Variants in FRMD4B observed in about 807,000 individuals in gnomAD.
The protein encoded by FRMD4B is FERM domain containing 4B, also known as FERM domain-containing protein 4B.
A neutral mutation model predicts 141.5 loss-of-function variants in FRMD4B; 74 were observed. That is an observed-to-expected ratio of 0.52 (90% CI 0.43 to 0.63). The LOEUF is 0.63. Ranked by LOEUF, FRMD4B falls within the 30% of genes least tolerant of loss-of-function variation. The pLI is 0.00. For synonymous variants in FRMD4B, 506 were observed against 467.9 expected (o/e 1.08, Z -1.05); for missense variants, 1,366 against 1,253.4 (o/e 1.09, Z -1.36).
At chr3:69,204,270 A>C (rs2092999965) in intron 11 of FRMD4B, among the ~76,000 whole-genome samples, 1 of 152,188 alleles carries the variant, frequency 6.6e-6, no homozygotes, top group African/African-American at 2.4e-5. Flanking sequence ...CCTTGGACAA[A>C]AAGGGTCAAA....
At chr3:69,411,846 C>G (rs923630271) in intron 2 of FRMD4B, among the ~76,000 whole-genome samples, 2 of 152,180 alleles carry the variant, frequency 1.3e-5, no homozygotes, top group African/African-American at 4.8e-5. Flanking sequence ...GAACAATTAT[C>G]TATATCAAAT....
chr3:69,176,371 CTTTA>C (rs1390842572), intron 22 of FRMD4B, among the ~76,000 whole-genome samples, 149 bp downstream of exon 22: 1 of 152,202 alleles, frequency 6.6e-6, no homozygotes, highest in Non-Finnish European at 1.5e-5. Context: ...TCCAATGAAA[CTTTA>C]TTTACCAAAA....
chr3:69,464,773 G>A (rs538921692), intron 1 of FRMD4B, among the ~76,000 whole-genome samples: 2 of 152,100 alleles, frequency 1.3e-5, no homozygotes, highest in Non-Finnish European at 2.9e-5. Context: ...AAACAAAATT[G>A]AACCTGAATC....
intron 1 of FRMD4B, among the ~76,000 whole-genome samples, chr3:69,324,769 C>A (rs537290118): frequency 7.9e-5 from 12 of 152,142 alleles, no homozygotes; most frequent in Non-Finnish European, 1.5e-4. Context: ...ACTCACTTCT[C>A]TTTACCCAGG....
chr3:69,475,391 G>A (rs889697922), intron 1 of FRMD4B, among the ~76,000 whole-genome samples: 2 of 136,158 alleles, frequency 1.5e-5, no homozygotes, highest in Non-Finnish European at 3.1e-5. Flanking sequence ...AGAGTGTAAC[G>A]TTCCCCTTCC....
At chr3:69,450,014 G>A (rs886419308) in intron 1 of FRMD4B, among the ~76,000 whole-genome samples, 2 of 150,938 alleles carry the variant, frequency 1.3e-5, no homozygotes, top group Non-Finnish European at 2.9e-5. Flanking sequence ...CAGTTTCCCT[G>A]CCAGTAAAAT....
chr3:69,180,462 T>C (rs2092693822), intron 21 of FRMD4B, among the ~76,000 whole-genome samples: 1 of 152,056 alleles, frequency 6.6e-6, no homozygotes, highest in African/African-American at 2.4e-5. Context: ...GAGGGTTTAT[T>C]CTTTTAAAAT....
chr3:69,454,642 C>CT (rs938953491), intron 1 of FRMD4B, among the ~76,000 whole-genome samples: 4 of 152,200 alleles, frequency 2.6e-5, no homozygotes, highest in Non-Finnish European at 4.4e-5. Flanking sequence ...ACGCCACACT[C>CT]TAATTCTGGC....
In FRMD4B at chr3:69,289,223, C is replaced by G. The variant is rs1214499540; in HGVS notation, c.417-1387G>C. The stretch of plus-strand genomic sequence containing the variant: ...TGTCCACCATTTATTCGCTGTATGG[C>G]CTTGGGCAAATTATTTAGTTTCTTT... On this transcript the variant is annotated intron_variant, in intron 4 of 22. Transcript: ENST00000398540. Among the ~76,000 whole-genome samples the G allele has an allele frequency of 2.6e-5, 4 of 152,116 alleles. No homozygotes were observed. The East Asian group carries it at 7.7e-4, about 29-fold the overall frequency.
Position 69,169,526 on chromosome 3 carries a change from T to G in FRMD4B, c.*2335A>C. On this transcript the variant is annotated 3_prime_UTR_variant, in exon 23 of 23. Transcript: ENST00000398540. Reference sequence around the variant, plus strand: ...GCACACATCACCATGACTGGCTAATTTTTGTATTTTCATAGAGATGGGGTT... The same window carrying G: ...GCACACATCACCATGACTGGCTAATGTTTGTATTTTCATAGAGATGGGGTT... Among the ~76,000 whole-genome samples, 1 of 151,876 alleles carries G rather than the reference T, an allele frequency of 6.6e-6. No homozygotes were observed. Among genetic ancestry groups the G allele is most frequent in the African/African-American group, 2.4e-5 (1 of 41,300 alleles).
At chr3:69,407,354 C>G (rs1275558983) in intron 2 of FRMD4B, among the ~76,000 whole-genome samples, 2 of 152,138 alleles carry the variant, frequency 1.3e-5, no homozygotes, top group Non-Finnish European at 2.9e-5. Flanking sequence ...GGAATATTCT[C>G]AATGGGGCTT....
At chr3:69,527,397 C>G (rs1189779937) in intron 1 of FRMD4B, among the ~76,000 whole-genome samples, 3 of 151,940 alleles carry the variant, frequency 2.0e-5, no homozygotes, top group African/African-American at 4.8e-5. Flanking sequence ...GTGGAGGTCC[C>G]GAAAAGGAGG....
chr3:69,202,551 C>A (rs2092979424), intron 11 of FRMD4B, among the ~76,000 whole-genome samples: 1 of 149,814 alleles, frequency 6.7e-6, no homozygotes, highest in African/African-American at 2.5e-5. Context: ...AGAATGTGTT[C>A]TAAAGTGATC....
chr3:69,301,958 C>T (rs148624918), intron 4 of FRMD4B, among the ~76,000 whole-genome samples: 19 of 152,184 alleles, frequency 1.2e-4, no homozygotes, highest in Non-Finnish European at 1.9e-4. Context: ...ATTATTGCCA[C>T]GTAAAATGTA....
intron 22 of FRMD4B, among the ~76,000 whole-genome samples, chr3:69,173,182 G>A (rs904833093): frequency 2.0e-5 from 3 of 151,996 alleles, no homozygotes; most frequent in Non-Finnish European, 4.4e-5. Context: ...GAAAATAGGA[G>A]GTGAAAGAAA....
chr3:69,215,166 T>C (rs2093127124), intron 11 of FRMD4B, among the ~76,000 whole-genome samples: 1 of 149,948 alleles, frequency 6.7e-6, no homozygotes, highest in African/African-American at 2.5e-5. Context: ...AGGTGTGAGC[T>C]ACCGCACCCA....
intron 1 of FRMD4B, among the ~76,000 whole-genome samples, chr3:69,521,779 C>G (rs139475446): frequency 3.3e-5 from 5 of 152,296 alleles, no homozygotes; most frequent in East Asian, 3.9e-4. Context: ...ATACCCACCC[C>G]GCAGACATTC....
intron 5 of FRMD4B, chr3:69,287,528 C>T (rs1010591879): frequency 4.1e-5 from 22 of 539,906 alleles, no homozygotes; most frequent in Non-Finnish European, 6.9e-5. Context: ...AGTGATTGTG[C>T]ATATGCAGGA....
intron 19 of FRMD4B, among the ~76,000 whole-genome samples, chr3:69,184,823 G>C (rs1489343992): frequency 2.0e-5 from 3 of 152,172 alleles, no homozygotes; most frequent in African/African-American, 7.2e-5. Context: ...TGGCTGCTGA[G>C]CATTTGAATT....
Sources: allele counts gnomAD v4.1 joint callset (sites outside exome capture counted in the v4.1 genomes callset), GRCh38; gene constraint gnomAD v4.1.1; transcripts MANE v1.5; gene names NCBI Gene and HGNC (gene_info 2026-07-23, HGNC 2026-07-21).